The following KRI1 variants were observed in gnomAD, a reference collection of about 807,000 sequenced individuals.
KRI1 encodes the protein KRI1 homolog, also known as protein KRI1 homolog.
A neutral mutation model predicts 97.0 loss-of-function variants in KRI1; 83 were observed. That is an observed-to-expected ratio of 0.86 (90% CI 0.72 to 1.03). KRI1 has a LOEUF of 1.03. Ranked by LOEUF, KRI1 falls within the 50% of genes least tolerant of loss-of-function variation. The pLI is 0.00. For synonymous variants in KRI1, 371 were observed against 363.5 expected, an observed-to-expected ratio of 1.02 and a Z score of -0.23; for missense variants, 916 against 928.4, an observed-to-expected ratio of 0.99 and a Z score of 0.17.
In KRI1 at chr19:10,557,679, TCCCCTGCTCGAGA is replaced by T; in HGVS notation, c.1487-10_1489del. 1 of 1,614,132 alleles carries T rather than the reference TCCCCTGCTCGAGA, an allele frequency of 6.2e-7. No homozygotes were observed. Reference sequence around the variant, plus strand: ...ATCCAGGTACTCCTCGAACGTCTTGTCCCCTGCTCGAGACAGAGCCAGGCTGCTGGGCTATGCC... The same window carrying T: ...ATCCAGGTACTCCTCGAACGTCTTGTCAGAGCCAGGCTGCTGGGCTATGCC... On this transcript the variant is annotated splice_acceptor_variant and splice_polypyrimidine_tract_variant and coding_sequence_variant and intron_variant, in exon 16 of 19. Coordinates refer to ENST00000312962, the MANE Select transcript of KRI1 (RefSeq NM_023008.5). LOFTEE classifies it high-confidence loss of function.
rs1916377481 is a variant in KRI1, at chr19:10,553,457, G to C, written c.*494C>G. On this transcript the variant is annotated 3_prime_UTR_variant, in exon 19 of 19. Transcript: ENST00000312962. ...TGGGCGCAGCGTTCTGAGGGGATGT[G>C]GGGTCTGGGAGGTGTCTCGAGGTGA... The C allele has an allele frequency of 4.9e-6, 1 of 202,948 alleles. No homozygotes were observed. The highest frequency in any genetic ancestry group is 1.3e-4 in the South Asian group (1 of 7,730). 12.6% of individuals were successfully genotyped at this position (202,948 alleles called of 1,614,324 possible). A position where few individuals can be genotyped will look rare whatever the true frequency, so the allele number is the denominator to read the frequency against.
Position 10,564,946 on chromosome 19 carries a change from G to C in KRI1, c.257C>G (p.Thr86Ser). 6.2e-7 allele frequency: 1 copy of C among 1,611,078 alleles called. No individual in the cohort carries two copies. Among genetic ancestry groups the C allele is most frequent in the East Asian group, 2.2e-5 (1 of 44,862 alleles). Residue 86 changes from threonine (T) to serine (S), a missense_variant, in exon 3 of 19, where the codon ACC (threonine) becomes AGC (serine). Transcript: ENST00000312962. ...CCCCGGACCTGTTCTGTTATAGAAGGTGGCATCTTTCTGATAAATGCGGGG... is the reference window on the plus strand; with the variant it reads ...CCCCGGACCTGTTCTGTTATAGAAGCTGGCATCTTTCTGATAAATGCGGGG... Reference protein sequence around the residue: ...KDPRIYQKDATFYNRTASSSD... With the variant: ...KDPRIYQKDASFYNRTASSSD...
chr19:10,565,375 G>T (rs989730315), intron 2 of KRI1: 2 of 518,792 alleles, frequency 3.9e-6, no homozygotes, highest in African/African-American at 2.0e-5. Flanking sequence ...GATCAGGGCT[G>T]ATGTGAGAAG....
In KRI1 at chr19:10,559,423, A is replaced by G. The variant is rs1448151361; in HGVS notation, c.1130T>C (p.Leu377Pro). The part of the protein sequence containing the change: ...KLRKVTGNEM[L>P]GLEEGDLEDD... The stretch of plus-strand genomic sequence containing the variant: ...TTCAAGGTCCCCCTCCTCGAGGCCC[A>G]GCATCTCGTTGCCTGTTACTTTCCG... Residue 377 changes from leucine (L) to proline (P), a missense_variant, in exon 12 of 19, where the codon CTG becomes CCG. Physicochemically the swap from Leu to Pro is moderately conservative, Grantham distance 98. Coordinates refer to ENST00000312962, the MANE Select transcript of KRI1 (RefSeq NM_023008.5). 6.2e-7 allele frequency: 1 copy of G among 1,613,866 alleles called. No homozygotes were observed. The highest frequency in any genetic ancestry group is 8.5e-7 in the Non-Finnish European group (1 of 1,180,022).
Position 10,560,967 on chromosome 19 carries a change from G to A in KRI1, c.663+36C>T, listed in dbSNP as rs114147920. On this transcript the variant is annotated intron_variant, in intron 8 of 18. Transcript: ENST00000312962. ...TAGGTTGGATGGACGCGGAACACGC[G>A]GTCTACTCCATCAGCGACCATGCGT... 3.3e-3 allele frequency: 4,900 copies of A among 1,499,690 alleles called. 113 individuals are homozygous for A. In the African/African-American group the frequency reaches 0.057, roughly 18 times the overall value. 92.9% of individuals were successfully genotyped at this position (1,499,690 alleles called of 1,614,324 possible). A position where few individuals can be genotyped will look rare whatever the true frequency, so the allele number is the denominator to read the frequency against.
intron 12 of KRI1, among the ~76,000 whole-genome samples, 176 bp from the exon 13 acceptor site, chr19:10,558,415 G>A (rs760693891): frequency 4.6e-5 from 7 of 151,982 alleles, no homozygotes; most frequent in Non-Finnish European, 5.9e-5. Flanking sequence ...AGGATCCTCC[G>A]CCAACTCCCC....
Position 10,558,205 on chromosome 19 carries a change from T to C in KRI1, c.1229A>G (p.Glu410Gly). 1 of 1,613,946 alleles carries C rather than the reference T, an allele frequency of 6.2e-7. No homozygotes were observed. The highest frequency in any genetic ancestry group is 8.5e-7 in the Non-Finnish European group (1 of 1,179,952). Reference sequence around the variant, plus strand: ...TTCCTCAAATTGTGGCTTCTCCTCCTCCACGGCCCCGTAGTACTCGTCCCC... The same window carrying C: ...TTCCTCAAATTGTGGCTTCTCCTCCCCCACGGCCCCGTAGTACTCGTCCCC... ...CFGDEYYGAV[E>G]EEKPQFEEEE... The change falls in exon 13 of 19, where the codon GAG becomes GGG. Residue 410 changes from glutamate to glycine, a missense_variant. Glu to Gly is a moderately conservative substitution (Grantham distance 98). This residue lies in a region of KRI1 where 672 missense variants were observed against 667.2 expected (regional missense o/e 1.01). Transcript: ENST00000312962.
At position 10,563,851 on chromosome 19, in the gene KRI1, T is replaced by C. The variant is rs534531042; in HGVS notation, c.275-1014A>G. On this transcript the variant is annotated intron_variant, in intron 3 of 18. Transcript: ENST00000312962. ...CTGAGTTCTGAATCTTTTGTAGAGATGGGGTCTTGCCGCCAGGCACAGTGG... is the reference window on the plus strand; with the variant it reads ...CTGAGTTCTGAATCTTTTGTAGAGACGGGGTCTTGCCGCCAGGCACAGTGG... 8.5e-5 allele frequency among the ~76,000 whole-genome samples: 13 copies of C among 152,098 alleles called. No individual in the cohort carries two copies. In the East Asian group the frequency reaches 2.5e-3, roughly 30 times the overall value.
chr19:10,565,958 C>G lies in KRI1; in HGVS notation c.42G>C (p.Ala14=). 6.5e-7 allele frequency: 1 copy of G among 1,528,088 alleles called. No homozygotes were observed. The highest frequency in any genetic ancestry group is 8.8e-7 in the Non-Finnish European group (1 of 1,140,638). 94.7% of individuals were successfully genotyped at this position (1,528,088 alleles called of 1,614,324 possible). A position where few individuals can be genotyped will look rare whatever the true frequency, so the allele number is the denominator to read the frequency against. The change falls in exon 1 of 19, where the codon GCG becomes GCC. Residue 14 remains alanine, a synonymous_variant. Coordinates refer to ENST00000312962, the MANE Select transcript of KRI1 (RefSeq NM_023008.5). ...AGCGGTTGTACCGCGCGGCAAACGC[C>G]GCGTTCACCCGCAGCTGCGACGACC... ...PRGSSQLRVN[A]AFAARYNRYR... is the part of the protein sequence containing the mutation.
Position 10,559,407 on chromosome 19 carries a change from C to G in KRI1, c.1146G>C (p.Gly382=). The G allele has an allele frequency of 6.2e-7, 1 of 1,614,062 alleles. No homozygotes were observed. Among genetic ancestry groups the G allele is most frequent in the Non-Finnish European group, 8.5e-7 (1 of 1,180,032 alleles). The stretch of plus-strand genomic sequence containing the variant: ...CAGGGTCGAAGTCGTCTTCAAGGTC[C>G]CCCTCCTCGAGGCCCAGCATCTCGT... ...TGNEMLGLEE[G]DLEDDFDPAQ... is the part of the protein sequence containing the mutation. Residue 382 remains glycine (G), a synonymous_variant, in exon 12 of 19, where the codon GGG becomes GGC. Transcript: ENST00000312962.
chr19:10,554,200 G>A lies in KRI1; in HGVS notation c.1863C>T (p.Gly621=). The change falls in exon 19 of 19, where the codon GGC becomes GGT. Residue 621 remains glycine (G), a synonymous_variant. Coordinates refer to ENST00000312962, the MANE Select transcript of KRI1 (RefSeq NM_023008.5). ...GGGGACTCTCCGGCCCCATCAAGCT[G>A]CCATCAAGGGCTGGCAGCTGCCTCT... ...GPQRQLPALD[G]SLMGPESPPA... 2.5e-6 allele frequency: 4 copies of A among 1,614,020 alleles called. No individual in the cohort carries two copies. The highest frequency in any genetic ancestry group is 2.5e-6 in the Non-Finnish European group (3 of 1,180,016).
At chr19:10,558,591 G>A (rs1313951520) in intron 12 of KRI1, among the ~76,000 whole-genome samples, 1 of 152,052 alleles carries the variant, frequency 6.6e-6, no homozygotes, top group Admixed American at 6.6e-5. Flanking sequence ...TGCCCAAGCA[G>A]GAGTGCAATG....
At chr19:10,555,916 T>C (rs1916489975) in intron 16 of KRI1, among the ~76,000 whole-genome samples, 1 of 152,202 alleles carries the variant, frequency 6.6e-6, no homozygotes, top group African/African-American at 2.4e-5. Context: ...CTCATTTCTG[T>C]TCCTTCCATA....
At chr19:10,565,818 C>CCCAA in intron 1 of KRI1, 28 bp from the exon 2 acceptor site, 3 of 1,550,082 alleles carry the variant, frequency 1.9e-6, no homozygotes, top group Non-Finnish European at 2.6e-6. Context: ...GATGCCCCCC[C>CCCAA]CCAGGTCAGC....
chr19:10,557,117 C>CTT lies in KRI1; in HGVS notation c.1617+433_1617+434dup, dbSNP rs71162095. Reference sequence around the variant, plus strand: ...ACTGTCATTAGGACTATTAGCATTTCTTTTTTTTTTTTTTTGGCGCTCTGT... The same window carrying CTT: ...ACTGTCATTAGGACTATTAGCATTTCTTTTTTTTTTTTTTTTTGGCGCTCTGT... On this transcript the variant is annotated intron_variant, in intron 16 of 18. Transcript: ENST00000312962. 1.8e-3 allele frequency among the ~76,000 whole-genome samples: 241 copies of CTT among 137,124 alleles called. 4 individuals carry two copies. The highest frequency in any genetic ancestry group is 5.0e-3 in the African/African-American group (187 of 37,344). The allele number at this position is 137,124 out of a possible 152,430, so 90.0% of individuals were successfully genotyped here.
At chr19:10,554,956 A>G in intron 18 of KRI1, 131 bp downstream of exon 18, 2 of 684,962 alleles carry the variant, frequency 2.9e-6, no homozygotes, top group East Asian at 5.5e-5. Context: ...CCCATATAGG[A>G]TTCGAACCCA....
At chr19:10,563,679 T>C (rs1277861212) in intron 3 of KRI1, among the ~76,000 whole-genome samples, 1 of 151,918 alleles carries the variant, frequency 6.6e-6, no homozygotes, top group Non-Finnish European at 1.5e-5. Flanking sequence ...TTTTTGAGAG[T>C]TGGAGTCTTA....
rs537978599 is a variant in KRI1, at chr19:10,555,386, T to C, written c.1618-37A>G. The C allele has an allele frequency of 6.5e-5, 104 of 1,611,162 alleles. No homozygotes were observed. The Middle Eastern group carries it at 8.5e-4, about 13-fold the overall frequency. On this transcript the variant is annotated intron_variant, in intron 16 of 18. Coordinates refer to ENST00000312962, the MANE Select transcript of KRI1 (RefSeq NM_023008.5). ...GGGAGAGTGGGGACCTGCTGTGATATTGCCCAGGCGGGGCCTTCCCTGAGC... is the reference window on the plus strand; with the variant it reads ...GGGAGAGTGGGGACCTGCTGTGATACTGCCCAGGCGGGGCCTTCCCTGAGC...
rs1282412005 is a variant in KRI1, at chr19:10,562,830, T to C, written c.282A>G (p.Ser94=). 1 of 1,606,294 alleles carries C rather than the reference T, an allele frequency of 6.2e-7. No individual in the cohort carries two copies. Among genetic ancestry groups the C allele is most frequent in the Non-Finnish European group, 8.5e-7 (1 of 1,172,912 alleles). The change falls in exon 4 of 19, where the codon TCA becomes TCG. Residue 94 remains serine, a synonymous_variant. Transcript: ENST00000312962. The part of the protein sequence containing the change: ...DATFYNRTAS[S]SDSEEDPEAL... ...CTTCTGGGTCCTCCTCACTGTCTGA[T>C]GACGATGCTGTTAACCCACCAAAGA... is the stretch of plus-strand genomic sequence containing the variant.
Sources: gnomAD v4.1 joint callset for allele counts (sites outside exome capture counted in the v4.1 genomes callset) on GRCh38, gnomAD v4.1.1 for gene constraint, gnomAD v4.1.1 regional missense constraint, MANE v1.5 for transcripts, NCBI Gene and HGNC (gene_info 2026-07-23, HGNC 2026-07-21) for gene names.